The following RIPK1 variants were observed in gnomAD, a reference collection of about 807,000 sequenced individuals.
RIPK1 encodes the protein receptor interacting serine/threonine kinase 1.
A neutral mutation model predicts 62.4 loss-of-function variants in RIPK1; 27 were observed. That is an observed-to-expected ratio of 0.43 (90% CI 0.32 to 0.60). The LOEUF (loss-of-function observed/expected upper bound fraction) is 0.60. Ranked by LOEUF, RIPK1 falls within the 20% of genes least tolerant of loss-of-function variation. The pLI, the probability that RIPK1 is intolerant of heterozygous loss-of-function variation, is 0.07. For synonymous variants in RIPK1, 287 were observed against 303.2 expected, an observed-to-expected ratio of 0.95 and a Z score of 0.55; for missense variants, 735 against 831.0, an observed-to-expected ratio of 0.88 and a Z score of 1.42.
chr6:3,072,614 A>G lies in RIPK1; in HGVS notation c.-61+3953A>G, dbSNP rs114151197. 1.3e-5 allele frequency among the ~76,000 whole-genome samples: 2 copies of G among 152,078 alleles called. No homozygotes were observed. Among genetic ancestry groups the G allele is most frequent in the Non-Finnish European group, 2.9e-5 (2 of 68,028 alleles). ...TACGTTGGGTTCTGCTAGGCTCTGG[A>G]GATGGTGCACAAGACAAGTTTCCTG... On this transcript the variant is annotated intron_variant, in intron 1 of 10. Coordinates refer to ENST00000259808, the MANE Select transcript of RIPK1 (RefSeq NM_001354930.2). The surrounding 1 kb of genome is among the most constrained non-coding windows in gnomAD (Gnocchi z 5.6).
chr6:3,076,485 T>C (rs776494351), intron 1 of RIPK1, among the ~76,000 whole-genome samples: 21 of 151,494 alleles, frequency 1.4e-4, no homozygotes, highest in East Asian at 5.9e-4. Flanking sequence ...CTGGGCAACA[T>C]AGTGAGATCC....
intron 7 of RIPK1, among the ~76,000 whole-genome samples, chr6:3,097,271 G>A (rs1760365375): frequency 6.6e-6 from 1 of 152,204 alleles, no homozygotes; most frequent in Non-Finnish European, 1.5e-5. Context: ...GTAAAGAAGA[G>A]AATAAGATCA....
intron 6 of RIPK1, among the ~76,000 whole-genome samples, chr6:3,086,625 AT>A (rs1288209842): frequency 1.3e-5 from 2 of 152,228 alleles, no homozygotes; most frequent in Non-Finnish European, 2.9e-5. Context: ...AATGGAAGAG[AT>A]GTACAAGGTG....
In RIPK1 at chr6:3,076,699, C is replaced by CATACATATAT. The variant is rs759690606; in HGVS notation, c.-60-62_-60-61insCATATATATA. On this transcript the variant is annotated intron_variant, in intron 1 of 10. Transcript: ENST00000259808. ...TGTCTCCAAAGGAGAAAAAAAAAAA[C>CATACATATAT]ATATATATATATATATATATATATA... The CATACATATAT allele has an allele frequency of 1.1e-3, 241 of 217,700 alleles. 10 individuals carry two copies. Among genetic ancestry groups the CATACATATAT allele is most frequent in the East Asian group, 2.8e-3 (15 of 5,324 alleles). The allele number at this position is 217,700 out of a possible 1,614,324, so 13.5% of individuals were successfully genotyped here.
Position 3,113,499 on chromosome 6 carries a change from G to T in RIPK1, c.*160G>T, listed in dbSNP as rs943433305. The T allele has an allele frequency of 4.7e-6, 3 of 643,322 alleles. No individual in the cohort carries two copies. The highest frequency in any genetic ancestry group is 3.0e-5 in the Admixed American group (1 of 33,246). 39.9% of individuals were successfully genotyped at this position (643,322 alleles called of 1,614,324 possible). On this transcript the variant is annotated 3_prime_UTR_variant, in exon 11 of 11. Coordinates refer to ENST00000259808, the MANE Select transcript of RIPK1 (RefSeq NM_001354930.2). The surrounding 1 kb of genome is among the most constrained non-coding windows in gnomAD (Gnocchi z 5.0). ...ACTTCATAGCTGGAGAATGGGGAAA[G>T]AAATCTGCAGCAAAGGGGTCTCACT... is the stretch of plus-strand genomic sequence containing the variant.
chr6:3,066,561 CTTTG>C (rs144785792), upstream of RIPK1, among the ~76,000 whole-genome samples: 1,249 of 152,152 alleles, frequency 8.2e-3, 17 homozygotes, highest in African/African-American at 0.028. Context: ...AATGAATAGA[CTTTG>C]TTTTAGAGCT....
intron 7 of RIPK1, among the ~76,000 whole-genome samples, chr6:3,102,955 T>G (rs1057423942): frequency 6.6e-6 from 1 of 152,152 alleles, no homozygotes; most frequent in Non-Finnish European, 1.5e-5. Context: ...CATTTTATAT[T>G]CCCCACCAGC....
At chr6:3,082,991 C>T (rs1056184629) in intron 4 of RIPK1, 94 bp from the exon 5 acceptor site, 1 of 1,216,958 alleles carries the variant, frequency 8.2e-7, no homozygotes, top group African/African-American at 1.5e-5. Flanking sequence ...TTTACCGTAC[C>T]TTATGTATAA....
intron 7 of RIPK1, among the ~76,000 whole-genome samples, chr6:3,096,723 CG>C (rs1206430500): frequency 1.4e-5 from 2 of 139,678 alleles, no homozygotes; most frequent in African/African-American, 6.4e-5. Flanking sequence ...CCACACCCAG[CG>C]AATTTTTTTT....
chr6:3,113,326 T>G lies in RIPK1; in HGVS notation c.2003T>G (p.Val668Gly), dbSNP rs1212508869. ...GACCTTCTGAGCAGCTTGATTTACG[T>G]CAGCCAGAACTAACCCTGGATGGGC... The part of the protein sequence containing the change: ...RIDLLSSLIY[V>G]SQN The change falls in exon 11 of 11, where the codon GTC becomes GGC. Residue 668 changes from valine (V) to glycine (G), a missense_variant. Around this residue, in one of 2 missense-constraint regions of RIPK1, gnomAD observed 64 missense variants for 104.8 expected, o/e 0.61. Coordinates refer to ENST00000259808, the MANE Select transcript of RIPK1 (RefSeq NM_001354930.2). The surrounding 1 kb of genome is among the most constrained non-coding windows in gnomAD (Gnocchi z 5.0). The G allele has an allele frequency of 1.9e-6, 3 of 1,613,696 alleles. No homozygotes were observed. Among genetic ancestry groups the G allele is most frequent in the Non-Finnish European group, 2.5e-6 (3 of 1,179,918 alleles).
chr6:3,081,193 C>T (rs1385737577), intron 4 of RIPK1, 77 bp downstream of exon 4: 2 of 1,518,090 alleles, frequency 1.3e-6, no homozygotes, highest in Non-Finnish European at 9.0e-7. Context: ...CATTCTCGTA[C>T]ATTGGAGAAG....
At chr6:3,071,784 C>T (rs1162900902) in intron 1 of RIPK1, among the ~76,000 whole-genome samples, 2 of 152,124 alleles carry the variant, frequency 1.3e-5, no homozygotes, top group African/African-American at 4.8e-5. Flanking sequence ...TCCAGTGGAC[C>T]CAACTAGAGG....
intron 9 of RIPK1, among the ~76,000 whole-genome samples, chr6:3,110,366 G>A (rs1166331180): frequency 4.0e-5 from 6 of 151,770 alleles, no homozygotes; most frequent in Non-Finnish European, 5.9e-5. Context: ...CCACCACCAC[G>A]CCTGGCTAAT....
rs9503398 is a variant in RIPK1 at position 3,096,179 on chromosome 6, A to G, written c.915+6522A>G. On this transcript the variant is annotated intron_variant, in intron 7 of 10. Transcript: ENST00000259808. ...AATATGCAAGACCAAGCTACTTACC[A>G]CCCCTATTTCTGGTCAGCCTGGTAC... 9.4e-3 allele frequency among the ~76,000 whole-genome samples: 1,432 copies of G among 151,798 alleles called. 24 individuals are homozygous for G. Among genetic ancestry groups the G allele is most frequent in the African/African-American group, 0.032 (1,306 of 41,366 alleles).
intron 7 of RIPK1, 135 bp downstream of exon 7, chr6:3,089,792 A>C: frequency 1.6e-6 from 1 of 616,444 alleles, no homozygotes; most frequent in African/African-American, 1.8e-5. Flanking sequence ...CAAAATGAGC[A>C]ATTGTCTGCA....
chr6:3,073,120 G>T (rs533798274), intron 1 of RIPK1, among the ~76,000 whole-genome samples: 1 of 151,698 alleles, frequency 6.6e-6, no homozygotes, highest in Non-Finnish European at 1.5e-5. Context: ...ACATATATAC[G>T]CATATACAAA....
At chr6:3,108,225 A>G (rs139276972) in intron 9 of RIPK1, among the ~76,000 whole-genome samples, 1,986 of 152,024 alleles carry the variant, frequency 0.013, 26 homozygotes, top group Middle Eastern at 0.037. Flanking sequence ...AAGAGTCAGG[A>G]GACCCAGGTC....
At chr6:3,107,859 G>T (rs539805336) in intron 9 of RIPK1, among the ~76,000 whole-genome samples, 162 of 152,128 alleles carry the variant, frequency 1.1e-3, no homozygotes, top group Non-Finnish European at 1.9e-3. Context: ...GCTTCTTCAG[G>T]GTTCTGAGAT....
intron 1 of RIPK1, among the ~76,000 whole-genome samples, chr6:3,069,166 T>G (rs1189434510): frequency 6.6e-6 from 1 of 152,220 alleles, no homozygotes; most frequent in African/African-American, 2.4e-5. Context: ...GTTGTTTTGG[T>G]GGAGAAGGTG....
Sources: allele counts gnomAD v4.1 joint callset (sites outside exome capture counted in the v4.1 genomes callset), GRCh38; gene constraint gnomAD v4.1.1; regional missense constraint gnomAD v4.1.1; non-coding constraint Gnocchi (gnomAD v3.1); transcripts MANE v1.5; gene names NCBI Gene and HGNC (gene_info 2026-07-23, HGNC 2026-07-21).